Variants in TRAPPC9 observed in about 807,000 individuals in gnomAD.
TRAPPC9 encodes IKK2 binding protein.
TRAPPC9 carries 83 observed loss-of-function variants against 124.0 expected under a neutral mutation model. The observed-to-expected ratio is 0.67, with a 90% CI of 0.56 to 0.80. The LOEUF is 0.80. TRAPPC9 is among the 30% of genes least tolerant of loss of function. TRAPPC9 has a pLI of 0.00. For missense variants in TRAPPC9, 1,302 were observed against 1,508.3 expected (o/e 0.86, Z 2.27); for synonymous variants, 638 against 617.5 (o/e 1.03, Z -0.49).
intron 2 of TRAPPC9, among the ~76,000 whole-genome samples, chr8:140,447,643 C>T (rs929340659): frequency 6.6e-6 from 1 of 152,120 alleles, no homozygotes; most frequent in African/African-American, 2.4e-5. Context: ...ACCTCGTGTA[C>T]CGGGGAACTC....
rs112394472 is a variant in TRAPPC9, at chr8:140,001,648, G to C, written c.2700-12812C>G. The stretch of plus-strand genomic sequence containing the variant: ...AATACCACTTCAGCCACAGACATTA[G>C]AAGGACAATAAGGAAATACTACAAA... On this transcript the variant is annotated intron_variant, in intron 18 of 22. Transcript: ENST00000438773. Among the ~76,000 whole-genome samples, 293 of 152,256 alleles carry C rather than the reference G, an allele frequency of 1.9e-3. 3 individuals are homozygous for C. Among genetic ancestry groups the C allele is most frequent in the African/African-American group, 6.5e-3 (272 of 41,550 alleles).
intron 17 of TRAPPC9, among the ~76,000 whole-genome samples, chr8:140,169,831 G>T (rs1301380045): frequency 6.6e-6 from 1 of 151,910 alleles, no homozygotes; most frequent in Non-Finnish European, 1.5e-5. Flanking sequence ...TCAACCTCCC[G>T]GGCTCAACTG....
At chr8:139,935,772 A>G (rs569737410) in intron 19 of TRAPPC9, among the ~76,000 whole-genome samples, 5 of 149,526 alleles carry the variant, frequency 3.3e-5, no homozygotes, top group African/African-American at 9.9e-5. Context: ...TTATTTTGCT[A>G]TTATAGCCTA....
chr8:140,103,048 C>G (rs1365250065), intron 17 of TRAPPC9, among the ~76,000 whole-genome samples: 1 of 152,176 alleles, frequency 6.6e-6, no homozygotes, highest in African/African-American at 2.4e-5. Context: ...AGGAATTCCA[C>G]TAGCAGAAGG....
At chr8:140,342,830 G>A (rs555551095) in intron 9 of TRAPPC9, among the ~76,000 whole-genome samples, 67 of 152,178 alleles carry the variant, frequency 4.4e-4, no homozygotes, top group Non-Finnish European at 8.4e-4. Context: ...GCCAGAGTTC[G>A]TATTTTAGCT....
At chr8:140,332,944 G>A (rs1037433494) in intron 9 of TRAPPC9, among the ~76,000 whole-genome samples, 7 of 152,210 alleles carry the variant, frequency 4.6e-5, no homozygotes, top group South Asian at 2.1e-4. Flanking sequence ...GGTCAACATC[G>A]TGAAACCCCC....
chr8:140,433,017 T>C (rs1048107870), intron 4 of TRAPPC9, among the ~76,000 whole-genome samples: 4 of 151,704 alleles, frequency 2.6e-5, no homozygotes, highest in Non-Finnish European at 5.9e-5. Context: ...TAAAACAGCA[T>C]AATCGGCCAA....
At chr8:140,200,491 C>A (rs1008653569) in intron 17 of TRAPPC9, among the ~76,000 whole-genome samples, 2 of 152,106 alleles carry the variant, frequency 1.3e-5, no homozygotes, top group African/African-American at 2.4e-5. Context: ...GCAAACACGA[C>A]CCCGGCCAGG....
chr8:139,873,678 C>T (rs1829143268), intron 21 of TRAPPC9, among the ~76,000 whole-genome samples: 1 of 152,192 alleles, frequency 6.6e-6, no homozygotes, highest in African/African-American at 2.4e-5. Flanking sequence ...GTGATGAAGG[C>T]CTCCTGCAGT....
chr8:139,925,042 C>T (rs190207312), intron 19 of TRAPPC9, among the ~76,000 whole-genome samples: 3 of 152,352 alleles, frequency 2.0e-5, no homozygotes, highest in Non-Finnish European at 4.4e-5. Flanking sequence ...CTACAACTCA[C>T]GCCTCCCACT....
chr8:139,980,492 C>T (rs781111507), intron 19 of TRAPPC9, among the ~76,000 whole-genome samples: 6 of 152,134 alleles, frequency 3.9e-5, no homozygotes, highest in Non-Finnish European at 7.4e-5. Flanking sequence ...TCCAGCCGTG[C>T]GATCTGGAGG....
At chr8:140,280,770 G>A (rs2065286840) in intron 14 of TRAPPC9, among the ~76,000 whole-genome samples, 1 of 152,136 alleles carries the variant, frequency 6.6e-6, no homozygotes, top group Non-Finnish European at 1.5e-5. Context: ...GCACCCCAAA[G>A]AGATGACGCA....
At chr8:139,874,359 G>T (rs2010771) in intron 21 of TRAPPC9, among the ~76,000 whole-genome samples, 3 of 152,056 alleles carry the variant, frequency 2.0e-5, no homozygotes, top group Non-Finnish European at 4.4e-5. Context: ...CTGAGCACCC[G>T]CAGGTGCTGA....
At chr8:140,453,121 T>A (rs1335906439) in intron 1 of TRAPPC9, among the ~76,000 whole-genome samples, 1 of 152,016 alleles carries the variant, frequency 6.6e-6, no homozygotes, top group Admixed American at 6.6e-5. Flanking sequence ...GTTAGGGAGA[T>A]TAAATGAGCT....
chr8:140,108,711 C>G (rs1275889507), intron 17 of TRAPPC9, among the ~76,000 whole-genome samples: 2 of 152,180 alleles, frequency 1.3e-5, no homozygotes, highest in Non-Finnish European at 2.9e-5. Flanking sequence ...GTCCCAGTGC[C>G]TAGAAGCACA....
chr8:139,823,181 A>G (rs1385262390), intron 21 of TRAPPC9, among the ~76,000 whole-genome samples: 1 of 152,178 alleles, frequency 6.6e-6, no homozygotes, highest in Non-Finnish European at 1.5e-5. Context: ...AGTTCGGACC[A>G]GTACCCTTCC....
At chr8:140,348,529 C>G (rs534695340) in intron 9 of TRAPPC9, among the ~76,000 whole-genome samples, 8 of 151,626 alleles carry the variant, frequency 5.3e-5, no homozygotes, top group Non-Finnish European at 1.2e-4. Flanking sequence ...CTCTCTCCTG[C>G]TAAAAAAAAA....
At chr8:139,818,624 GTA>G (rs1452765961) in intron 21 of TRAPPC9, among the ~76,000 whole-genome samples, 1 of 152,056 alleles carries the variant, frequency 6.6e-6, no homozygotes, top group African/African-American at 2.4e-5. Context: ...TGGTGTGCTG[GTA>G]TATGTTTAAC....
At chr8:139,902,114 C>T (rs1202571781) in intron 20 of TRAPPC9, among the ~76,000 whole-genome samples, 1 of 152,180 alleles carries the variant, frequency 6.6e-6, no homozygotes, top group African/African-American at 2.4e-5. Flanking sequence ...ACACGTCGAT[C>T]CGTGTGCACG....
Sources: allele counts gnomAD v4.1 joint callset (sites outside exome capture counted in the v4.1 genomes callset), GRCh38; gene constraint gnomAD v4.1.1; transcripts MANE v1.5; gene names NCBI Gene and HGNC (gene_info 2026-07-23, HGNC 2026-07-21).